The following TJP1 variants were observed in gnomAD, a reference collection of about 807,000 sequenced individuals.
TJP1 encodes the protein tight junction protein 1, also known as tight junction protein ZO-1.
A neutral mutation model predicts 194.2 loss-of-function variants in TJP1; 43 were observed. The observed-to-expected ratio is 0.22, with a 90% confidence interval of 0.17 to 0.29. The LOEUF is 0.29. TJP1 is among the 10% of genes least tolerant of loss of function. The pLI, the probability that TJP1 is intolerant of heterozygous loss-of-function variation, is 1.00. For missense variants in TJP1, 1,971 were observed against 2,185.7 expected, an observed-to-expected ratio of 0.90 and a Z score of 1.96; for synonymous variants, 801 against 779.0, an observed-to-expected ratio of 1.03 and a Z score of -0.47.
At position 29,718,738 on chromosome 15, in the gene TJP1, G is replaced by A. The variant is rs2042739556; in HGVS notation, c.3404C>T (p.Pro1135Leu). 4 of 1,614,062 alleles carry A rather than the reference G, an allele frequency of 2.5e-6. No homozygotes were observed. Among genetic ancestry groups the A allele is most frequent in the Admixed American group, 1.7e-5 (1 of 60,006 alleles). ...TCTGCTGTCGTAAGACAGAGGGGCT[G>A]GCTCTTCAAAACGTGGAAAGTACCC... ...ERGYFPRFEE[P>L]APLSYDSRPR... Residue 1135 changes from proline to leucine, a missense_variant, in exon 21 of 28, where the codon CCA becomes CTA. Coordinates refer to ENST00000614355, the MANE Select transcript of TJP1 (RefSeq NM_001330239.4).
downstream of TJP1, chr15:29,699,864 G>A (rs548723318): frequency 6.5e-5 from 11 of 169,886 alleles, no homozygotes; most frequent in Non-Finnish European, 1.2e-4. Flanking sequence ...CCCATGCAGG[G>A]GTGTTTCTCC....
intron 23 of TJP1, among the ~76,000 whole-genome samples, chr15:29,716,068 T>G (rs759411204): frequency 1.1e-4 from 16 of 152,060 alleles, no homozygotes; most frequent in Admixed American, 2.6e-4. Flanking sequence ...AACCCAGGGA[T>G]GAGTAAACGG....
intron 2 of TJP1, among the ~76,000 whole-genome samples, chr15:29,924,828 G>A (rs1279295767): frequency 6.6e-6 from 1 of 152,228 alleles, no homozygotes; most frequent in African/African-American, 2.4e-5. Context: ...GCTGCAGTTA[G>A]CTGTTATCTA....
chr15:29,957,996 A>G (rs987841336), intron 1 of TJP1, among the ~76,000 whole-genome samples: 1 of 152,178 alleles, frequency 6.6e-6, no homozygotes, highest in Non-Finnish European at 1.5e-5. Flanking sequence ...GATTCTGTAT[A>G]AAGGACTATT....
At chr15:29,793,344 T>C (rs2048212308) in intron 2 of TJP1, among the ~76,000 whole-genome samples, 1 of 152,214 alleles carries the variant, frequency 6.6e-6, no homozygotes, top group Non-Finnish European at 1.5e-5. Context: ...TTTTGGCATC[T>C]ATAGAAATGG....
chr15:29,781,978 AG>A (rs1286228884), intron 2 of TJP1, among the ~76,000 whole-genome samples: 3 of 152,184 alleles, frequency 2.0e-5, no homozygotes, highest in Non-Finnish European at 4.4e-5. Flanking sequence ...CAGAGCAATT[AG>A]GTAAGAGAAA....
rs767353854 is a variant in TJP1 at position 29,761,113 on chromosome 15, T to C, written c.1010+26A>G. The C allele has an allele frequency of 5.8e-6, 9 of 1,560,702 alleles. No homozygotes were observed. In the East Asian group the frequency reaches 1.8e-4, roughly 32 times the overall value. On this transcript the variant is annotated intron_variant, in intron 8 of 27. Transcript: ENST00000614355. ...GTATCAAGCAAACAAAACCCCTGTA[T>C]TTTTTAAAAAAATAGGGTGTCTTAC...
intron 2 of TJP1, among the ~76,000 whole-genome samples, chr15:29,933,385 G>T (rs891817769): frequency 1.3e-5 from 2 of 152,154 alleles, no homozygotes; most frequent in Non-Finnish European, 1.5e-5. Flanking sequence ...AGAATAATAT[G>T]TTGGGAAAAA....
intron 2 of TJP1, among the ~76,000 whole-genome samples, chr15:29,880,413 CAA>C (rs2052884509): frequency 6.6e-6 from 1 of 152,240 alleles, no homozygotes; most frequent in Non-Finnish European, 1.5e-5. Context: ...TAGCACCTCA[CAA>C]AGTTTCCTCA....
chr15:29,948,774 A>C (rs2055374527), intron 2 of TJP1, among the ~76,000 whole-genome samples: 1 of 152,082 alleles, frequency 6.6e-6, no homozygotes, highest in Non-Finnish European at 1.5e-5. Context: ...TAATATCTTT[A>C]TTATTTAGAC....
intron 2 of TJP1, among the ~76,000 whole-genome samples, chr15:29,843,250 G>A (rs184722588): frequency 6.5e-4 from 98 of 151,114 alleles, no homozygotes; most frequent in East Asian, 5.5e-3. Context: ...GTGCAATGGC[G>A]CAATCTCGGC....
At chr15:29,955,753 TAAAAAAAAAAAAAAAAAAAA>T (rs563535771) in intron 2 of TJP1, among the ~76,000 whole-genome samples, 2 of 35,798 alleles carry the variant, frequency 5.6e-5, no homozygotes, top group Non-Finnish European at 1.0e-4. Context: ...CCTGGCTCTT[TAAAAAAAAAAAAAAAAAAAA>T]AAAAAAAAAA....
At chr15:29,905,069 T>G (rs2053762468) in intron 2 of TJP1, among the ~76,000 whole-genome samples, 1 of 152,224 alleles carries the variant, frequency 6.6e-6, no homozygotes. Flanking sequence ...ACATTTTTGT[T>G]GTTTTAAGCC....
At chr15:29,959,926 T>C (rs984811564) in intron 1 of TJP1, among the ~76,000 whole-genome samples, 1 of 152,128 alleles carries the variant, frequency 6.6e-6, no homozygotes, top group African/African-American at 2.4e-5. Context: ...GGTAAAAGCT[T>C]CCATGAAAAC....
At chr15:29,754,264 T>C (rs1346715710) in intron 8 of TJP1, among the ~76,000 whole-genome samples, 1 of 152,126 alleles carries the variant, frequency 6.6e-6, no homozygotes, top group Non-Finnish European at 1.5e-5. Context: ...AGCAAACGAA[T>C]GCAGGAACAG....
chr15:29,809,824 C>T (rs1462092765), intron 1 of TJP1, among the ~76,000 whole-genome samples: 1 of 150,820 alleles, frequency 6.6e-6, no homozygotes, highest in Non-Finnish European at 1.5e-5. Flanking sequence ...CCAGCCTGGG[C>T]AACCAGGAGC....
intron 2 of TJP1, among the ~76,000 whole-genome samples, chr15:29,864,112 G>A (rs951823134): frequency 5.3e-5 from 8 of 151,720 alleles, no homozygotes; most frequent in Admixed American, 3.3e-4. Context: ...AGTTGTACCC[G>A]GCCGGGCGCG....
chr15:29,718,486 C>T lies in TJP1; in HGVS notation c.3656G>A (p.Gly1219Asp), dbSNP rs1444188327. 1 of 1,614,098 alleles carries T rather than the reference C, an allele frequency of 6.2e-7. No individual in the cohort carries two copies. The change falls in exon 21 of 28, where the codon GGT becomes GAT. Residue 1219 changes from glycine to aspartate, a missense_variant. By Grantham distance (94) the Gly-to-Asp change is moderately conservative. Transcript: ENST00000614355. The part of the protein sequence containing the change: ...SRAGHFEPLH[G>D]AAAVPPLIPS... ...TATCAGCGGAGGGACAGCTGCAGCA[C>T]CATGGAGAGGCTCAAAATGACCTGC...
At chr15:29,819,719 AC>A (rs1439287360) in intron 1 of TJP1, among the ~76,000 whole-genome samples, 2 of 152,236 alleles carry the variant, frequency 1.3e-5, no homozygotes, top group East Asian at 3.8e-4. Context: ...AAATTCTACA[AC>A]AGTGACTGTC....
Sources: allele counts gnomAD v4.1 joint callset (sites outside exome capture counted in the v4.1 genomes callset), GRCh38; gene constraint gnomAD v4.1.1; transcripts MANE v1.5; gene names NCBI Gene and HGNC (gene_info 2026-07-23, HGNC 2026-07-21).